SUCLG2: variants seen among roughly 807,000 people sequenced by gnomAD.
SUCLG2 encodes the protein succinate--CoA ligase [GDP-forming] subunit beta, mitochondrial.
In SUCLG2, 42 loss-of-function variants were observed where a neutral mutation model predicts 47.9. The ratio of observed to expected loss-of-function variants is 0.88; its 90% confidence interval spans 0.69 to 1.14. The LOEUF (loss-of-function observed/expected upper bound fraction) is 1.14, where lower values mean the gene tolerates loss of function less well. SUCLG2 is among the 50% of genes most tolerant of loss of function. The probability of loss-of-function intolerance (pLI) is 0.00; values close to 1 mark genes in which losing one functional copy is unlikely to be tolerated. For missense variants in SUCLG2, 571 were observed against 525.9 expected (o/e 1.09, Z -0.84); for synonymous variants, 195 against 197.3 (o/e 0.99, Z 0.10).
chr3:67,533,243 T>C (rs1399273251), intron 2 of SUCLG2, among the ~76,000 whole-genome samples: 2 of 152,220 alleles, frequency 1.3e-5, no homozygotes. Context: ...CTATTTGTGT[T>C]ACTGAGCTGG....
At position 67,613,292 on chromosome 3, in the gene SUCLG2, A is replaced by C. The variant is rs147437261; in HGVS notation, c.85-3696T>G. Among the ~76,000 whole-genome samples the C allele has an allele frequency of 6.7e-3, 1,015 of 152,312 alleles. 9 individuals carry two copies. The highest frequency in any genetic ancestry group is 0.023 in the African/African-American group (942 of 41,562). ...AGCTACCTAGTGGACTCCAACCACTAGTCATCTCATTAGGGTAGAAAAGAC... is the reference window on the plus strand; with the variant it reads ...AGCTACCTAGTGGACTCCAACCACTCGTCATCTCATTAGGGTAGAAAAGAC... On this transcript the variant is annotated intron_variant, in intron 1 of 10. Transcript: ENST00000307227.
At chr3:67,573,720 C>T (rs1033997675) in intron 2 of SUCLG2, among the ~76,000 whole-genome samples, 11 of 152,152 alleles carry the variant, frequency 7.2e-5, no homozygotes, top group South Asian at 2.1e-4. Context: ...GGGATTCAAA[C>T]GGCCTGGTGG....
At chr3:67,360,912 A>G in intron 10 of SUCLG2, 1 of 716,166 alleles carries the variant, frequency 1.4e-6, no homozygotes, top group Non-Finnish European at 2.1e-6. Flanking sequence ...CACTGGAGGA[A>G]TATGCTTTGA....
downstream of SUCLG2, among the ~76,000 whole-genome samples, chr3:67,371,064 A>G (rs2885872): frequency 0.94 from 143,616 of 152,246 alleles, 67,936 homozygotes; most frequent in East Asian, 1. Context: ...AGTTTCTCCC[A>G]TTGTCTGATG....
At chr3:67,425,395 T>G (rs1421785778) in intron 9 of SUCLG2, among the ~76,000 whole-genome samples, 1 of 152,150 alleles carries the variant, frequency 6.6e-6, no homozygotes, top group Non-Finnish European at 1.5e-5. Flanking sequence ...GGTAAAACAT[T>G]ATTTCTGAGG....
chr3:67,567,959 C>A (rs1009554789), intron 2 of SUCLG2, among the ~76,000 whole-genome samples: 13 of 152,228 alleles, frequency 8.5e-5, no homozygotes, highest in African/African-American at 2.9e-4. Context: ...GCCGCCTCAG[C>A]AAAAGAAAAA....
chr3:67,431,661 T>A (rs1703483675), intron 9 of SUCLG2, among the ~76,000 whole-genome samples: 4 of 151,254 alleles, frequency 2.6e-5, no homozygotes, highest in African/African-American at 9.7e-5. Context: ...CACCGCATGT[T>A]CTCACTCATA....
chr3:67,376,582 G>T, intron 10 of SUCLG2: 1 of 858,212 alleles, frequency 1.2e-6, no homozygotes, highest in Non-Finnish European at 1.4e-6. Flanking sequence ...CTTTTATCTA[G>T]TTGGCAAGAC....
At chr3:67,468,866 A>G (rs145589127) in intron 9 of SUCLG2, among the ~76,000 whole-genome samples, 1 of 152,324 alleles carries the variant, frequency 6.6e-6, no homozygotes, top group Non-Finnish European at 1.5e-5. Flanking sequence ...TGAATACAAA[A>G]TTACCTGTAT....
intron 2 of SUCLG2, among the ~76,000 whole-genome samples, chr3:67,608,607 T>G (rs898880438): frequency 3.3e-5 from 5 of 152,008 alleles, no homozygotes; most frequent in African/African-American, 1.2e-4. Flanking sequence ...GCTCATACTG[T>G]AAGAATTTCT....
At chr3:67,644,031 T>C (rs1031755191) in intron 1 of SUCLG2, among the ~76,000 whole-genome samples, 4 of 152,172 alleles carry the variant, frequency 2.6e-5, no homozygotes, top group African/African-American at 7.2e-5. Context: ...TCAATGAATA[T>C]GAATATACAA....
intron 9 of SUCLG2, among the ~76,000 whole-genome samples, chr3:67,453,756 C>A (rs889841261): frequency 2.0e-5 from 3 of 152,192 alleles, no homozygotes; most frequent in Non-Finnish European, 2.9e-5. Context: ...GGGGCCACAT[C>A]AAGCCTTTGG....
chr3:67,468,571 G>T (rs907622094), intron 9 of SUCLG2, among the ~76,000 whole-genome samples: 5 of 152,148 alleles, frequency 3.3e-5, no homozygotes, highest in Non-Finnish European at 7.3e-5. Flanking sequence ...ACTACACAGA[G>T]AGATCAGATG....
chr3:67,609,761 T>G lies in SUCLG2; in HGVS notation c.85-165A>C, dbSNP rs1451011598. The stretch of plus-strand genomic sequence containing the variant: ...CCCACTTAAATTCATGCCTAATTAT[T>G]TTTTAACAAAAACTGTTAAGGACAA... On this transcript the variant is annotated intron_variant, in intron 1 of 10. Coordinates refer to ENST00000307227, the MANE Select transcript of SUCLG2 (RefSeq NM_003848.4). 2.6e-5 allele frequency among the ~76,000 whole-genome samples: 4 copies of G among 152,220 alleles called. No homozygotes were observed. In the East Asian group the frequency reaches 7.7e-4, roughly 29 times the overall value.
intron 2 of SUCLG2, among the ~76,000 whole-genome samples, chr3:67,563,819 G>T (rs1707376344): frequency 6.6e-6 from 1 of 151,964 alleles, no homozygotes; most frequent in African/African-American, 2.4e-5. Context: ...AAATTAGCTG[G>T]GAGTGATGGC....
chr3:67,508,875 T>C lies in SUCLG2; in HGVS notation c.689A>G (p.Asn230Ser), dbSNP rs1398535377. Residue 230 changes from asparagine (N) to serine (S), a missense_variant, in exon 7 of 11, where the codon AAT becomes AGT. Transcript: ENST00000307227. The stretch of plus-strand genomic sequence containing the variant: ...AGTAGCATCAATTTTCAGGAAGAGA[T>C]TATACAGCTTCGTAATTTGATCTGC... ...QAADQITKLY[N>S]LFLKIDATQV... The C allele has an allele frequency of 1.9e-6, 3 of 1,612,358 alleles. No individual in the cohort carries two copies. Among genetic ancestry groups the C allele is most frequent in the East Asian group, 4.5e-5 (2 of 44,774 alleles).
intron 9 of SUCLG2, among the ~76,000 whole-genome samples, chr3:67,469,657 A>T (rs1704556119): frequency 6.6e-6 from 1 of 151,954 alleles, no homozygotes; most frequent in Non-Finnish European, 1.5e-5. Flanking sequence ...TGAACCCAGG[A>T]GGCGGAGGTT....
intron 9 of SUCLG2, among the ~76,000 whole-genome samples, chr3:67,432,855 C>T (rs9830987): frequency 0.024 from 3,687 of 152,290 alleles, 158 homozygotes; most frequent in African/African-American, 0.083. Context: ...TTTGTTATTT[C>T]GGTTACCCTT....
At chr3:67,452,590 T>A (rs1704080930) in intron 9 of SUCLG2, among the ~76,000 whole-genome samples, 1 of 152,164 alleles carries the variant, frequency 6.6e-6, no homozygotes, top group African/African-American at 2.4e-5. Context: ...TACCACAAAT[T>A]CCTTGTCAAA....
Sources: gnomAD v4.1 joint callset for allele counts (sites outside exome capture counted in the v4.1 genomes callset) on GRCh38, gnomAD v4.1.1 for gene constraint, MANE v1.5 for transcripts, NCBI Gene and HGNC (gene_info 2026-07-23, HGNC 2026-07-21) for gene names.